The following SLCO3A1 variants were observed in gnomAD, a reference collection of about 807,000 sequenced individuals.
SLCO3A1 encodes solute carrier organic anion transporter family member 3A1.
Under a neutral mutation model 63.1 loss-of-function variants are expected in SLCO3A1, and 27 were observed. That is an observed-to-expected ratio of 0.43 (90% CI 0.32 to 0.59). SLCO3A1 has a LOEUF of 0.59. Ranked by LOEUF, SLCO3A1 falls within the 20% of genes least tolerant of loss-of-function variation. SLCO3A1 has a pLI of 0.09. For synonymous variants in SLCO3A1, 473 were observed against 409.9 expected, an observed-to-expected ratio of 1.15 and a Z score of -1.86; for missense variants, 773 against 945.8, an observed-to-expected ratio of 0.82 and a Z score of 2.40.
At position 92,104,264 on chromosome 15, in the gene SLCO3A1, T is replaced by C. The variant is rs374354140; in HGVS notation, c.746-15T>C. 165 of 1,613,720 alleles carry C rather than the reference T, an allele frequency of 1.0e-4. No individual in the cohort carries two copies. The highest frequency in any genetic ancestry group is 1.2e-4 in the Non-Finnish European group (140 of 1,179,938). Reference sequence around the variant, plus strand: ...CCTTCTTTTCTCCACTAAGCTGTGCTCTTTCCATTTACAGGTAACCTGGAC... The same window carrying C: ...CCTTCTTTTCTCCACTAAGCTGTGCCCTTTCCATTTACAGGTAACCTGGAC... On this transcript the variant is annotated splice_polypyrimidine_tract_variant and intron_variant, in intron 3 of 9. Coordinates refer to ENST00000318445, the MANE Select transcript of SLCO3A1 (RefSeq NM_013272.4).
At position 92,163,564 on chromosome 15, in the gene SLCO3A1, A is replaced by C. The variant is rs929762690; in HGVS notation, c.*429A>C. ...CCTAAAATAAAAAAAATTAAAAAAA[A>C]AAAACCCACAAGTTGAAAACATTGC... is the stretch of plus-strand genomic sequence containing the variant. On this transcript the variant is annotated 3_prime_UTR_variant, in exon 10 of 10. Transcript: ENST00000318445. The C allele has an allele frequency of 3.0e-6, 3 of 984,614 alleles. No homozygotes were observed. The highest frequency in any genetic ancestry group is 3.6e-6 in the Non-Finnish European group (3 of 829,354). The allele number at this position is 984,614 out of a possible 1,614,324, so 61.0% of individuals were successfully genotyped here.
intron 2 of SLCO3A1, among the ~76,000 whole-genome samples, chr15:91,947,274 G>A (rs1899841079): frequency 6.6e-6 from 1 of 152,178 alleles, no homozygotes; most frequent in South Asian, 2.1e-4. Flanking sequence ...GTGGCATATG[G>A]TGACGATGAC....
rs1296599235 is a variant in SLCO3A1 at position 92,164,917 on chromosome 15, A to G, written c.*1782A>G. 1.0e-6 allele frequency: 1 copy of G among 985,312 alleles called. No homozygotes were observed. The highest frequency in any genetic ancestry group is 1.2e-6 in the Non-Finnish European group (1 of 829,944). 61.0% of individuals were successfully genotyped at this position (985,312 alleles called of 1,614,324 possible). A position where few individuals can be genotyped will look rare whatever the true frequency, so the allele number is the denominator to read the frequency against. ...GCTAACTTACTCCTCATGCTGCTTCAGTGACCTTTGTTCATGTCACATTCC... is the reference window on the plus strand; with the variant it reads ...GCTAACTTACTCCTCATGCTGCTTCGGTGACCTTTGTTCATGTCACATTCC... On this transcript the variant is annotated 3_prime_UTR_variant, in exon 10 of 10. Coordinates refer to ENST00000318445, the MANE Select transcript of SLCO3A1 (RefSeq NM_013272.4).
chr15:92,129,038 G>A (rs2047961032), intron 7 of SLCO3A1, among the ~76,000 whole-genome samples: 1 of 152,154 alleles, frequency 6.6e-6, no homozygotes, highest in Non-Finnish European at 1.5e-5. Flanking sequence ...TTGGCTGTCA[G>A]CCCACAGCTT....
At chr15:92,047,934 A>G (rs1198124461) in intron 2 of SLCO3A1, among the ~76,000 whole-genome samples, 4 of 151,804 alleles carry the variant, frequency 2.6e-5, no homozygotes, top group African/African-American at 7.3e-5. Flanking sequence ...ACGGATGCCC[A>G]GAACCTTGGA....
In SLCO3A1 at chr15:92,035,980, G is replaced by A. The variant is rs573627657; in HGVS notation, c.647-58901G>A. ...GTAGACTCTAGTGTCAGCCAGATGT[G>A]CCCACGACCTGTTTCTGCCAAAACA... On this transcript the variant is annotated intron_variant, in intron 2 of 9. Transcript: ENST00000318445. Among the ~76,000 whole-genome samples, 8 of 146,524 alleles carry A rather than the reference G, an allele frequency of 5.5e-5. No homozygotes were observed. In the East Asian group the frequency reaches 1.6e-3, roughly 29 times the overall value.
At chr15:92,070,357 G>A (rs937096599) in intron 2 of SLCO3A1, among the ~76,000 whole-genome samples, 13 of 152,328 alleles carry the variant, frequency 8.5e-5, no homozygotes, top group African/African-American at 2.6e-4. Flanking sequence ...AAATAATTAC[G>A]GAGGGTCGGG....
chr15:91,941,170 G>A lies in SLCO3A1; in HGVS notation c.646+24712G>A, dbSNP rs1880677915. On this transcript the variant is annotated intron_variant, in intron 2 of 9. Coordinates refer to ENST00000318445, the MANE Select transcript of SLCO3A1 (RefSeq NM_013272.4). The surrounding 1 kb of genome is among the most constrained non-coding windows in gnomAD (Gnocchi z 4.4). The stretch of plus-strand genomic sequence containing the variant: ...CTGTAGGCTCCCTTGCCTGGTTGTG[G>A]GCAGCACTGCTCCAGGGCAGGTGGA... The A allele has an allele frequency of 6.3e-6, 1 of 158,292 alleles. No homozygotes were observed. Among genetic ancestry groups the A allele is most frequent in the South Asian group, 1.8e-4 (1 of 5,526 alleles). 9.8% of individuals were successfully genotyped at this position (158,292 alleles called of 1,614,324 possible).
chr15:92,102,620 A>G (rs1281868982), intron 3 of SLCO3A1, among the ~76,000 whole-genome samples: 3 of 152,150 alleles, frequency 2.0e-5, no homozygotes, highest in Non-Finnish European at 4.4e-5. Context: ...CCTCTCCAGC[A>G]TGTAGCTATG....
At chr15:91,992,252 C>G (rs2046135636) in intron 2 of SLCO3A1, among the ~76,000 whole-genome samples, 1 of 152,186 alleles carries the variant, frequency 6.6e-6, no homozygotes, top group African/African-American at 2.4e-5. Context: ...GAGGAGTGTT[C>G]TGAACTCATT....
intron 2 of SLCO3A1, among the ~76,000 whole-genome samples, chr15:92,053,854 G>T (rs921670617): frequency 6.6e-6 from 1 of 152,006 alleles, no homozygotes. Flanking sequence ...TGTTTGTCAG[G>T]TTTCTCCATT....
chr15:91,973,379 G>A (rs546670904), intron 2 of SLCO3A1, among the ~76,000 whole-genome samples: 1 of 152,190 alleles, frequency 6.6e-6, no homozygotes, highest in Admixed American at 6.5e-5. Context: ...ATTGTCAGAG[G>A]ACACACAGCT....
intron 2 of SLCO3A1, among the ~76,000 whole-genome samples, chr15:92,017,493 C>T (rs149424174): frequency 1.1e-3 from 160 of 152,150 alleles, no homozygotes; most frequent in African/African-American, 3.8e-3. Context: ...GACACGATGG[C>T]GCTCCCCTTC....
In SLCO3A1 at chr15:91,912,699, TC is replaced by T. The variant is rs1336121021; in HGVS notation, c.181-3289del. Among the ~76,000 whole-genome samples the T allele has an allele frequency of 6.6e-6, 1 of 152,082 alleles. No individual in the cohort carries two copies. ...GAGATACAGCTTCTGTTCTCTCCCT[TC>T]CCCCTACTTTGTTACCCTCCAGCCT... On this transcript the variant is annotated intron_variant, in intron 1 of 9. Coordinates refer to ENST00000318445, the MANE Select transcript of SLCO3A1 (RefSeq NM_013272.4). The surrounding 1 kb of genome is among the most constrained non-coding windows in gnomAD (Gnocchi z 5.0).
intron 2 of SLCO3A1, among the ~76,000 whole-genome samples, chr15:92,084,550 C>T (rs1450871554): frequency 1.3e-5 from 2 of 152,204 alleles, no homozygotes; most frequent in Non-Finnish European, 2.9e-5. Context: ...TTTTCCACCC[C>T]AGGAGACCTT....
At chr15:92,086,534 AAT>A (rs1385184377) in intron 2 of SLCO3A1, among the ~76,000 whole-genome samples, 2 of 152,290 alleles carry the variant, frequency 1.3e-5, no homozygotes, top group African/African-American at 4.8e-5. Context: ...GTATTATAAA[AAT>A]ATATGTGTTG....
rs1262864521 is a variant in SLCO3A1, at chr15:91,954,376, C to G, written c.646+37918C>G. 6.6e-6 allele frequency among the ~76,000 whole-genome samples: 1 copy of G among 152,210 alleles called. No individual in the cohort carries two copies. The highest frequency in any genetic ancestry group is 1.5e-5 in the Non-Finnish European group (1 of 68,040). ...GGACGGGCACTGTGCTGAGCCTCAG[C>G]CAGGCGGAGACGGGCGGGTACTGCA... On this transcript the variant is annotated intron_variant, in intron 2 of 9. Transcript: ENST00000318445. This position sits in a 1 kb window ranked among gnomAD's most constrained non-coding sequence, Gnocchi z 4.7.
intron 2 of SLCO3A1, among the ~76,000 whole-genome samples, chr15:92,051,344 G>A (rs2046954980): frequency 6.6e-6 from 1 of 152,098 alleles, no homozygotes; most frequent in South Asian, 2.1e-4. Context: ...AACAGCTTTG[G>A]GACAGCATCC....
intron 1 of SLCO3A1, among the ~76,000 whole-genome samples, chr15:91,915,548 C>A (rs1188218319): frequency 6.6e-6 from 1 of 152,160 alleles, no homozygotes; most frequent in East Asian, 1.9e-4. Flanking sequence ...GCTTTGCTAA[C>A]CTCCTGCGGA....
Sources: allele counts gnomAD v4.1 joint callset (sites outside exome capture counted in the v4.1 genomes callset), GRCh38; gene constraint gnomAD v4.1.1; non-coding constraint Gnocchi (gnomAD v3.1); transcripts MANE v1.5; gene names NCBI Gene and HGNC (gene_info 2026-07-23, HGNC 2026-07-21).